Variants in PARD3 observed in about 807,000 individuals in gnomAD.
The protein encoded by PARD3 is partitioning defective 3 homolog.
A neutral mutation model predicts 155.4 loss-of-function variants in PARD3; 75 were observed. That is an observed-to-expected ratio of 0.48 (90% CI 0.40 to 0.58). The LOEUF (loss-of-function observed/expected upper bound fraction) is 0.58, where lower values mean the gene tolerates loss of function less well. Among genes scored for constraint, PARD3 ranks in the 20% least tolerant of loss-of-function variants. The pLI, the probability that PARD3 is intolerant of heterozygous loss-of-function variation, is 0.00. For missense variants in PARD3, 1,642 were observed against 1,721.7 expected (o/e 0.95, Z 0.82); for synonymous variants, 576 against 610.5 (o/e 0.94, Z 0.83).
At chr10:34,580,386 T>C (rs2087330793) in intron 2 of PARD3, among the ~76,000 whole-genome samples, 1 of 151,856 alleles carries the variant, frequency 6.6e-6, no homozygotes, top group Admixed American at 6.6e-5. Context: ...AATACAAAAA[T>C]TAGCCAGGCA....
rs577581628 is a variant in PARD3 at position 34,217,299 on chromosome 10, G to C, written c.3419+52358C>G. Among the ~76,000 whole-genome samples, 33 of 152,218 alleles carry C rather than the reference G, an allele frequency of 2.2e-4. No individual in the cohort carries two copies. In the South Asian group the frequency reaches 6.8e-3, roughly 32 times the overall value. On this transcript the variant is annotated intron_variant, in intron 22 of 24. Coordinates refer to ENST00000374788, the MANE Select transcript of PARD3 (RefSeq NM_001184785.2). ...TACACGTCATCACTTGGAAGATAGAGTGTTAAATATCTGATACTGCTCACA... is the reference window on the plus strand; with the variant it reads ...TACACGTCATCACTTGGAAGATAGACTGTTAAATATCTGATACTGCTCACA...
Position 34,657,516 on chromosome 10 carries a change from T to A in PARD3, c.222+38802A>T, listed in dbSNP as rs1590447338. ...TAACACATCACTGTCACCTTTCTGC[T>A]TCTCAGTTTTGTTTTGTTTGTTTGT... On this transcript the variant is annotated intron_variant, in intron 2 of 24. Transcript: ENST00000374788. 2.0e-5 allele frequency among the ~76,000 whole-genome samples: 3 copies of A among 147,652 alleles called. No homozygotes were observed. The South Asian group carries it at 6.5e-4, about 32-fold the overall frequency.
At chr10:34,526,445 G>A (rs966770558) in intron 2 of PARD3, among the ~76,000 whole-genome samples, 1 of 152,134 alleles carries the variant, frequency 6.6e-6, no homozygotes, top group African/African-American at 2.4e-5. Context: ...GGACAGTCAC[G>A]ACCAGGCAGG....
chr10:34,119,545 C>T (rs998597426), intron 24 of PARD3, 68 bp downstream of exon 24: 5 of 1,467,382 alleles, frequency 3.4e-6, no homozygotes, highest in East Asian at 4.8e-5. Context: ...GGAAGGAGCG[C>T]GTTCCTAAAG....
At chr10:34,610,371 C>T (rs2090791359) in intron 2 of PARD3, among the ~76,000 whole-genome samples, 1 of 152,102 alleles carries the variant, frequency 6.6e-6, no homozygotes, top group South Asian at 2.1e-4. Context: ...TCACTACATT[C>T]TGTCACTGTT....
intron 5 of PARD3, among the ~76,000 whole-genome samples, chr10:34,416,339 G>A (rs917511087): frequency 5.3e-5 from 8 of 152,136 alleles, no homozygotes; most frequent in Non-Finnish European, 8.8e-5. Flanking sequence ...CTTAAAAGAC[G>A]TCCAGGAGAG....
At position 34,478,462 on chromosome 10, in the gene PARD3, C is replaced by T. The variant is rs543905082; in HGVS notation, c.404-8199G>A. 7.2e-5 allele frequency among the ~76,000 whole-genome samples: 11 copies of T among 152,302 alleles called. No homozygotes were observed. In the South Asian group the frequency reaches 1.9e-3, roughly 26 times the overall value. On this transcript the variant is annotated intron_variant, in intron 3 of 24. Coordinates refer to ENST00000374788, the MANE Select transcript of PARD3 (RefSeq NM_001184785.2). ...TTAATGGTAAGTTTAAGATACATTT[C>T]TGTGGATAACAGGATGTTTTCAATG... is the stretch of plus-strand genomic sequence containing the variant.
At chr10:34,559,455 A>G (rs903646003) in intron 2 of PARD3, among the ~76,000 whole-genome samples, 3 of 151,596 alleles carry the variant, frequency 2.0e-5, no homozygotes, top group African/African-American at 7.3e-5. Context: ...AAAAATGAAA[A>G]AAAAAAAAAG....
At chr10:34,805,230 G>A (rs762177123) in intron 1 of PARD3, among the ~76,000 whole-genome samples, 16 of 152,000 alleles carry the variant, frequency 1.1e-4, no homozygotes, top group Non-Finnish European at 1.6e-4. Flanking sequence ...GGTGGCAGGC[G>A]CCTGTAATCT....
At chr10:34,115,035 A>G (rs530555172) in intron 24 of PARD3, among the ~76,000 whole-genome samples, 20 of 152,292 alleles carry the variant, frequency 1.3e-4, no homozygotes, top group African/African-American at 4.8e-4. Context: ...TGGCCTGGAG[A>G]CCATCAGCAT....
chr10:34,221,757 C>A (rs969532722), intron 22 of PARD3, among the ~76,000 whole-genome samples: 2 of 152,172 alleles, frequency 1.3e-5, no homozygotes, highest in Non-Finnish European at 2.9e-5. Context: ...CATCAGTAAG[C>A]CAAAAGTCAA....
At position 34,595,632 on chromosome 10, in the gene PARD3, T is replaced by G. The variant is rs187436632; in HGVS notation, c.223-78473A>C. On this transcript the variant is annotated intron_variant, in intron 2 of 24. Coordinates refer to ENST00000374788, the MANE Select transcript of PARD3 (RefSeq NM_001184785.2). ...AAGGGTGTCTGGTACTATAACCTTC[T>G]AGGAAAAAGAATAAAGTTTCTGTAT... 3.9e-5 allele frequency among the ~76,000 whole-genome samples: 6 copies of G among 152,262 alleles called. No homozygotes were observed. The East Asian group carries it at 9.6e-4, about 24-fold the overall frequency.
chr10:34,360,387 C>A (rs973972266), intron 12 of PARD3, 128 bp from the exon 13 acceptor site: 1 of 630,496 alleles, frequency 1.6e-6, no homozygotes, highest in Non-Finnish European at 2.7e-6. Flanking sequence ...GGTTCCACAG[C>A]AAGATCCATG....
At chr10:34,533,644 T>C (rs146281835) in intron 2 of PARD3, among the ~76,000 whole-genome samples, 292 of 151,674 alleles carry the variant, frequency 1.9e-3, no homozygotes, top group African/African-American at 6.5e-3. Context: ...CCATCTCTAC[T>C]AAAAAATACA....
chr10:34,754,479 T>C (rs1836462436), intron 1 of PARD3, among the ~76,000 whole-genome samples: 1 of 152,230 alleles, frequency 6.6e-6, no homozygotes, highest in African/African-American at 2.4e-5. Flanking sequence ...AAAGCAAGGA[T>C]CATATTTTAC....
At chr10:34,797,002 TG>T (rs756412178) in intron 1 of PARD3, among the ~76,000 whole-genome samples, 8 of 152,104 alleles carry the variant, frequency 5.3e-5, no homozygotes, top group Non-Finnish European at 7.4e-5. Flanking sequence ...ATAAAATAAA[TG>T]AAATAAAATC....
Position 34,807,844 on chromosome 10 carries a change from G to A in PARD3, c.120+7032C>T, listed in dbSNP as rs201816969. Among the ~76,000 whole-genome samples the A allele has an allele frequency of 1.6e-3, 248 of 152,186 alleles. 1 individual carries two copies. The highest frequency in any genetic ancestry group is 6.8e-3 in the Middle Eastern group (2 of 294). Reference sequence around the variant, plus strand: ...ATTTTACTTGCAAGGACCAATATGAGTTGATGGAGAAAAAAGGAATACACA... The same window carrying A: ...ATTTTACTTGCAAGGACCAATATGAATTGATGGAGAAAAAAGGAATACACA... On this transcript the variant is annotated intron_variant, in intron 1 of 24. Transcript: ENST00000374788.
chr10:34,337,871 T>C (rs1260513428), intron 16 of PARD3, among the ~76,000 whole-genome samples: 2 of 152,256 alleles, frequency 1.3e-5, no homozygotes, highest in Non-Finnish European at 2.9e-5. Flanking sequence ...CTAGCCTTCT[T>C]ATGTATCTTT....
At chr10:34,578,402 C>T (rs1319917937) in intron 2 of PARD3, among the ~76,000 whole-genome samples, 1 of 152,164 alleles carries the variant, frequency 6.6e-6, no homozygotes, top group Non-Finnish European at 1.5e-5. Flanking sequence ...CAACCTCAGG[C>T]ATAAATGGGT....
Sources: allele counts gnomAD v4.1 joint callset (sites outside exome capture counted in the v4.1 genomes callset), GRCh38; gene constraint gnomAD v4.1.1; transcripts MANE v1.5; gene names NCBI Gene and HGNC (gene_info 2026-07-23, HGNC 2026-07-21).